The following CNTN1 variants were observed in gnomAD, a reference collection of about 807,000 sequenced individuals.
CNTN1 encodes the protein contactin 1.
In CNTN1, 38 loss-of-function variants were observed where a neutral mutation model predicts 126.4. The ratio of observed to expected loss-of-function variants is 0.30; its 90% CI spans 0.23 to 0.39. The LOEUF (loss-of-function observed/expected upper bound fraction) is 0.39. CNTN1 is among the 10% of genes least tolerant of loss of function. The pLI, the probability that CNTN1 is intolerant of heterozygous loss-of-function variation, is 1.00. For missense variants in CNTN1, 1,009 were observed against 1,248.4 expected (o/e 0.81, Z 2.89); for synonymous variants, 413 against 422.6 (o/e 0.98, Z 0.28).
intron 1 of CNTN1, among the ~76,000 whole-genome samples, chr12:40,717,095 A>G (rs912451484): frequency 6.6e-5 from 10 of 152,186 alleles, no homozygotes; most frequent in Non-Finnish European, 1.3e-4. Context: ...TCTGTTTTAT[A>G]AGAAAGGCTC....
intron 1 of CNTN1, among the ~76,000 whole-genome samples, chr12:40,697,724 C>G (rs369551043): frequency 6.6e-6 from 1 of 152,098 alleles, no homozygotes; most frequent in Admixed American, 6.5e-5. Flanking sequence ...TATCCCAGTG[C>G]GAAATGGCTC....
In CNTN1 at chr12:40,943,992, T is replaced by C. The variant is rs768212555; in HGVS notation, c.1508-3T>C. ...ATTGTGCTTTACATTTAAAAATATA[T>C]AGATCCTACGCGAATTATATTGGCC... On this transcript the variant is annotated splice_region_variant and splice_polypyrimidine_tract_variant and intron_variant, in intron 13 of 23. Transcript: ENST00000551295. 15 of 1,612,786 alleles carry C rather than the reference T, an allele frequency of 9.3e-6. No homozygotes were observed. Among genetic ancestry groups the C allele is most frequent in the Non-Finnish European group, 1.3e-5 (15 of 1,179,154 alleles).
chr12:40,981,792 C>T (rs75651046), intron 16 of CNTN1, among the ~76,000 whole-genome samples: 3,069 of 152,002 alleles, frequency 0.02, 101 homozygotes, highest in African/African-American at 0.067. Flanking sequence ...ATCTTTGTAA[C>T]TTTTGACAAT....
intron 1 of CNTN1, among the ~76,000 whole-genome samples, chr12:40,789,915 G>A (rs1034592834): frequency 5.9e-5 from 9 of 151,954 alleles, no homozygotes; most frequent in African/African-American, 1.9e-4. Flanking sequence ...ATGGGAACAC[G>A]TGGAAGATTC....
chr12:40,834,519 A>T (rs1941974669), intron 1 of CNTN1, among the ~76,000 whole-genome samples: 1 of 152,190 alleles, frequency 6.6e-6, no homozygotes, highest in African/African-American at 2.4e-5. Flanking sequence ...CAGAAAGAAC[A>T]TAGGAATTTA....
rs1159365835 is a variant in CNTN1, at chr12:41,020,270, T to A, written c.2420-67T>A. On this transcript the variant is annotated intron_variant, in intron 19 of 23. Transcript: ENST00000551295. ...GGTCCAACATCATTCATATAGCAAA[T>A]GATGCTATTCGAATTTCTTAAATGT... 3 of 982,598 alleles carry A rather than the reference T, an allele frequency of 3.1e-6. No homozygotes were observed. The East Asian group carries it at 7.3e-5, about 24-fold the overall frequency. The allele number at this position is 982,598 out of a possible 1,614,324, so 60.9% of individuals were successfully genotyped here.
chr12:40,887,665 T>A (rs1414457486), intron 1 of CNTN1, among the ~76,000 whole-genome samples: 1 of 151,948 alleles, frequency 6.6e-6, no homozygotes, highest in Non-Finnish European at 1.5e-5. Context: ...CATTACTGGG[T>A]ATATACCCAA....
chr12:41,068,134 G>C (rs1335684497), intron 23 of CNTN1, among the ~76,000 whole-genome samples: 1 of 152,154 alleles, frequency 6.6e-6, no homozygotes, highest in East Asian at 1.9e-4. Context: ...GGCCTTTGCA[G>C]CTGGACAAAT....
At chr12:40,984,441 T>C (rs1947903323) in intron 16 of CNTN1, among the ~76,000 whole-genome samples, 1 of 152,146 alleles carries the variant, frequency 6.6e-6, no homozygotes, top group South Asian at 2.1e-4. Context: ...TTGTGAGGGC[T>C]TCAGGAAGCT....
intron 23 of CNTN1, among the ~76,000 whole-genome samples, chr12:41,059,494 T>TG (rs1949894807): frequency 6.6e-6 from 1 of 152,182 alleles, no homozygotes. Flanking sequence ...TGTTTAAAGA[T>TG]GTTTATGAAG....
At chr12:40,883,345 A>G (rs1027511510) in intron 1 of CNTN1, among the ~76,000 whole-genome samples, 4 of 151,632 alleles carry the variant, frequency 2.6e-5, no homozygotes, top group African/African-American at 4.8e-5. Flanking sequence ...GTCAATTAAA[A>G]ATATTATGAA....
chr12:40,729,160 CT>C (rs749130858), intron 1 of CNTN1: 3 of 209,906 alleles, frequency 1.4e-5, no homozygotes, highest in Non-Finnish European at 3.1e-5. Flanking sequence ...TGAACAGGCT[CT>C]TAAAGATACT....
At chr12:40,890,431 G>A (rs1854678806) in intron 1 of CNTN1, among the ~76,000 whole-genome samples, 2 of 152,202 alleles carry the variant, frequency 1.3e-5, no homozygotes, top group South Asian at 2.1e-4. Flanking sequence ...TATAATGATA[G>A]TATCATACAG....
chr12:40,919,686 TCA>T (rs1361133569), intron 4 of CNTN1, among the ~76,000 whole-genome samples: 2 of 152,196 alleles, frequency 1.3e-5, no homozygotes, highest in East Asian at 3.8e-4. Flanking sequence ...CTAACAGTAC[TCA>T]GTTTTTTCCT....
At chr12:40,830,721 G>A (rs1941781267) in intron 1 of CNTN1, among the ~76,000 whole-genome samples, 1 of 140,840 alleles carries the variant, frequency 7.1e-6, no homozygotes, top group Non-Finnish European at 1.5e-5. Flanking sequence ...AAATATATTT[G>A]TACTTATGTT....
intron 1 of CNTN1, among the ~76,000 whole-genome samples, chr12:40,886,784 A>T (rs1944049771): frequency 6.6e-6 from 1 of 152,120 alleles, no homozygotes; most frequent in Non-Finnish European, 1.5e-5. Flanking sequence ...CTTTCTACAT[A>T]TGGCTAGCCA....
chr12:40,833,063 C>CTT (rs140639210), intron 1 of CNTN1, among the ~76,000 whole-genome samples: 2 of 149,306 alleles, frequency 1.3e-5, no homozygotes, highest in African/African-American at 2.5e-5. Context: ...AACAAGTTAT[C>CTT]TTTTTTTTTT....
At chr12:40,728,459 C>T (rs996462005) in intron 1 of CNTN1, among the ~76,000 whole-genome samples, 3 of 152,092 alleles carry the variant, frequency 2.0e-5, no homozygotes, top group African/African-American at 7.2e-5. Flanking sequence ...AGACTTCTTC[C>T]AGAGCTCTCC....
chr12:41,064,314 T>C (rs932553495), intron 23 of CNTN1, among the ~76,000 whole-genome samples: 1 of 152,172 alleles, frequency 6.6e-6, no homozygotes. Context: ...TTCTGTTTCT[T>C]AAAACCAAAG....
Sources: allele counts gnomAD v4.1 joint callset (sites outside exome capture counted in the v4.1 genomes callset), GRCh38; gene constraint gnomAD v4.1.1; transcripts MANE v1.5; gene names NCBI Gene and HGNC (gene_info 2026-07-23, HGNC 2026-07-21).